The following GRM7 variants were observed in gnomAD, a reference collection of about 807,000 sequenced individuals.
GRM7 encodes metabotropic glutamate receptor 7.
Under a neutral mutation model 84.5 loss-of-function variants are expected in GRM7, and 35 were observed. The observed-to-expected ratio is 0.41, with a 90% CI of 0.32 to 0.55. The LOEUF is 0.55. Ranked by LOEUF, GRM7 falls within the 20% of genes least tolerant of loss-of-function variation. The pLI, the probability that GRM7 is intolerant of heterozygous loss-of-function variation, is 0.19. For synonymous variants in GRM7, 487 were observed against 455.1 expected, an observed-to-expected ratio of 1.07 and a Z score of -0.89; for missense variants, 1,003 against 1,194.6, an observed-to-expected ratio of 0.84 and a Z score of 2.36.
At chr3:7,420,554 A>G (rs1411533563) in intron 5 of GRM7, among the ~76,000 whole-genome samples, 3 of 152,126 alleles carry the variant, frequency 2.0e-5, no homozygotes, top group East Asian at 1.9e-4. Context: ...GTGAGCATGC[A>G]TAGGATTATG....
At chr3:6,872,627 C>T (rs550688856) in intron 1 of GRM7, among the ~76,000 whole-genome samples, 16 of 152,118 alleles carry the variant, frequency 1.1e-4, no homozygotes, top group African/African-American at 2.7e-4. Context: ...CCCCAACCCC[C>T]GACAGGCCCC....
At chr3:6,895,208 C>T (rs570240926) in intron 1 of GRM7, among the ~76,000 whole-genome samples, 1 of 152,120 alleles carries the variant, frequency 6.6e-6, no homozygotes, top group African/African-American at 2.4e-5. Context: ...CCAAAGATTT[C>T]TATACCTTAT....
chr3:7,466,845 G>T (rs572143562), intron 7 of GRM7, among the ~76,000 whole-genome samples: 3 of 152,182 alleles, frequency 2.0e-5, no homozygotes, highest in African/African-American at 7.2e-5. Context: ...GACTTTTTCT[G>T]GTGATTTGTT....
At chr3:7,681,746 G>A (rs1173614002) in intron 9 of GRM7, 2 of 152,010 alleles carry the variant, frequency 1.3e-5, no homozygotes, top group Non-Finnish European at 2.9e-5. Flanking sequence ...ACATACCTGG[G>A]TTCAAATGTA....
intron 1 of GRM7, among the ~76,000 whole-genome samples, chr3:6,883,277 T>C (rs1428480771): frequency 6.6e-6 from 1 of 152,100 alleles, no homozygotes; most frequent in Non-Finnish European, 1.5e-5. Context: ...TATATTATAA[T>C]GTTTATTATT....
intron 1 of GRM7, among the ~76,000 whole-genome samples, chr3:7,004,185 T>C (rs370724992): frequency 9.2e-5 from 14 of 152,116 alleles, no homozygotes; most frequent in African/African-American, 3.1e-4. Flanking sequence ...TAAGCCAAAC[T>C]CAGTGTGGTA....
At position 7,461,705 on chromosome 3, in the gene GRM7, G is replaced by T. The variant is rs1161351035; in HGVS notation, c.1498G>T (p.Asp500Tyr). The T allele has an allele frequency of 6.2e-7, 1 of 1,613,924 alleles. No individual in the cohort carries two copies. Among genetic ancestry groups the T allele is most frequent in the Admixed American group, 1.7e-5 (1 of 60,010 alleles). Residue 500 changes from aspartate (D) to tyrosine (Y), a missense_variant, in exon 7 of 10, where the codon GAC (aspartate) becomes TAC (tyrosine). Physicochemically the swap from Asp to Tyr is radical, Grantham distance 160 (BLOSUM62 -3). This residue lies in a region of GRM7 where 910 missense variants were observed against 1,126.0 expected (regional missense o/e 0.81). Transcript: ENST00000357716. Reference protein sequence around the residue: ...PGYRLIGQWTDELQLNIEDMQ... With the variant: ...PGYRLIGQWTYELQLNIEDMQ... ...TTACCGTCTGATCGGGCAGTGGACA[G>T]ACGAACTTCAGCTCAATGTGAGTTC... is the stretch of plus-strand genomic sequence containing the variant.
At chr3:7,015,275 G>T (rs1351195473) in intron 1 of GRM7, among the ~76,000 whole-genome samples, 1 of 152,114 alleles carries the variant, frequency 6.6e-6, no homozygotes, top group Non-Finnish European at 1.5e-5. Context: ...CACTGTGAAG[G>T]TCCGTGGCTT....
intron 3 of GRM7, among the ~76,000 whole-genome samples, chr3:7,302,411 A>C (rs1248926955): frequency 6.6e-6 from 1 of 152,058 alleles, no homozygotes; most frequent in Admixed American, 6.6e-5. Flanking sequence ...ATAACCTCCA[A>C]ATTTTACATA....
At chr3:7,499,687 AAC>A (rs2124962416) in intron 7 of GRM7, among the ~76,000 whole-genome samples, 1 of 152,264 alleles carries the variant, frequency 6.6e-6, no homozygotes, top group African/African-American at 2.4e-5. Flanking sequence ...TCAACTCTTG[AAC>A]ACTCCCAAGA....
rs12108033 is a variant in GRM7, at chr3:6,971,248, A to G, written c.519+109341A>G. ...TAATCAGAATGCATATTTTAAAACC[A>G]GTAGCTTAAAAGCCATACCTACCAA... On this transcript the variant is annotated intron_variant, in intron 1 of 9. Transcript: ENST00000357716. 1.1e-3 allele frequency among the ~76,000 whole-genome samples: 173 copies of G among 152,324 alleles called. 1 individual carries two copies. Among genetic ancestry groups the G allele is most frequent in the African/African-American group, 3.9e-3 (163 of 41,584 alleles).
intron 2 of GRM7, among the ~76,000 whole-genome samples, chr3:7,254,530 C>G (rs1215441690): frequency 6.6e-6 from 1 of 152,226 alleles, no homozygotes; most frequent in Non-Finnish European, 1.5e-5. Context: ...TAGTGGGTCT[C>G]TGTCGTAATT....
At chr3:6,976,743 G>A (rs1694013566) in intron 1 of GRM7, among the ~76,000 whole-genome samples, 1 of 152,006 alleles carries the variant, frequency 6.6e-6, no homozygotes, top group Non-Finnish European at 1.5e-5. Flanking sequence ...CAACCCATGA[G>A]TTCACTTTTT....
At chr3:6,980,842 C>T (rs994363438) in intron 1 of GRM7, among the ~76,000 whole-genome samples, 1 of 152,118 alleles carries the variant, frequency 6.6e-6, no homozygotes, top group Non-Finnish European at 1.5e-5. Context: ...CAGTAAAGTG[C>T]GAAGCTAGAG....
intron 1 of GRM7, among the ~76,000 whole-genome samples, chr3:6,940,382 G>C (rs945812488): frequency 2.0e-5 from 3 of 152,082 alleles, no homozygotes; most frequent in African/African-American, 7.2e-5. Context: ...GAACCACTGC[G>C]CCCGGCCCGT....
intron 7 of GRM7, among the ~76,000 whole-genome samples, chr3:7,501,268 A>T (rs183530434): frequency 6.6e-6 from 1 of 152,364 alleles, no homozygotes; most frequent in Admixed American, 6.5e-5. Context: ...ATAATTTATC[A>T]AAACTCACCC....
At chr3:7,577,821 C>T (rs917826792) in intron 7 of GRM7, among the ~76,000 whole-genome samples, 1 of 152,154 alleles carries the variant, frequency 6.6e-6, no homozygotes, top group Non-Finnish European at 1.5e-5. Flanking sequence ...ATAGTAGATT[C>T]ACATTGCTGC....
chr3:6,893,200 G>A (rs550647527), intron 1 of GRM7, among the ~76,000 whole-genome samples: 6 of 152,234 alleles, frequency 3.9e-5, no homozygotes, highest in African/African-American at 9.6e-5. Flanking sequence ...AACAATGACT[G>A]GACACTGGAT....
intron 1 of GRM7, among the ~76,000 whole-genome samples, chr3:7,095,602 A>G (rs1698827851): frequency 6.6e-6 from 1 of 152,200 alleles, no homozygotes; most frequent in Admixed American, 6.5e-5. Context: ...CTATTATATC[A>G]GGGATAGACA....
Sources: allele counts gnomAD v4.1 joint callset (sites outside exome capture counted in the v4.1 genomes callset), GRCh38; gene constraint gnomAD v4.1.1; regional missense constraint gnomAD v4.1.1; transcripts MANE v1.5; gene names NCBI Gene and HGNC (gene_info 2026-07-23, HGNC 2026-07-21).